Variants in SEMA3E observed in about 807,000 individuals in gnomAD.
The protein encoded by SEMA3E is semaphorin-3E.
SEMA3E carries 49 observed loss-of-function variants against 93.6 expected under a neutral mutation model. That is an observed-to-expected ratio of 0.52 (90% CI 0.42 to 0.66). SEMA3E has a LOEUF of 0.66. Among genes scored for constraint, SEMA3E ranks in the 30% least tolerant of loss-of-function variants. SEMA3E has a pLI of 0.00. For missense variants in SEMA3E, 906 were observed against 964.8 expected, an observed-to-expected ratio of 0.94 and a Z score of 0.81; for synonymous variants, 363 against 330.7, an observed-to-expected ratio of 1.10 and a Z score of -1.06.
chr7:83,396,826 G>T, intron 11 of SEMA3E, 97 bp from the exon 12 acceptor site: 1 of 787,554 alleles, frequency 1.3e-6, no homozygotes, highest in Non-Finnish European at 2.1e-6. Flanking sequence ...GCTCATGCCT[G>T]TAATCACTTT....
chr7:83,572,199 T>G (rs1792300902), intron 1 of SEMA3E, among the ~76,000 whole-genome samples: 1 of 137,100 alleles, frequency 7.3e-6, no homozygotes, highest in East Asian at 2.1e-4. Context: ...CCAACATAAT[T>G]TTTTTTTGCA....
chr7:83,416,723 T>C (rs894850327), intron 5 of SEMA3E, among the ~76,000 whole-genome samples: 47 of 151,948 alleles, frequency 3.1e-4, no homozygotes, highest in African/African-American at 1.1e-3. Context: ...ACAAGAAAGA[T>C]AAGAAAGTCT....
intron 4 of SEMA3E, among the ~76,000 whole-genome samples, chr7:83,444,140 G>T (rs1302550760): frequency 6.6e-6 from 1 of 152,134 alleles, no homozygotes; most frequent in African/African-American, 2.4e-5. Context: ...TAATAGAGGA[G>T]ATAATGTGTG....
At position 83,585,527 on chromosome 7, in the gene SEMA3E, G is replaced by A. The variant is rs527978877; in HGVS notation, c.115+62901C>T. ...GTATTAAAGAGATAAAATATTACAT[G>A]AAGAATTTATAGTCAGCCTCATTGT... On this transcript the variant is annotated intron_variant, in intron 1 of 16. Coordinates refer to ENST00000643230, the MANE Select transcript of SEMA3E (RefSeq NM_012431.3). Among the ~76,000 whole-genome samples the A allele has an allele frequency of 6.5e-4, 99 of 152,214 alleles. No individual in the cohort carries two copies. In the South Asian group the frequency reaches 7.9e-3, roughly 12 times the overall value.
At chr7:83,537,216 T>C (rs1791425765) in intron 1 of SEMA3E, among the ~76,000 whole-genome samples, 1 of 152,164 alleles carries the variant, frequency 6.6e-6, no homozygotes, top group African/African-American at 2.4e-5. Context: ...GAAATACATA[T>C]CTGTTGTTTG....
intron 4 of SEMA3E, among the ~76,000 whole-genome samples, chr7:83,442,172 A>G (rs1003579023): frequency 1.3e-5 from 2 of 152,182 alleles, no homozygotes; most frequent in African/African-American, 4.8e-5. Flanking sequence ...AGAATCTTTC[A>G]TATCTTATTC....
In SEMA3E at chr7:83,365,687, A is replaced by G. The variant is rs1244327766; in HGVS notation, c.*1899T>C. 1 of 152,160 alleles carries G rather than the reference A, an allele frequency of 6.6e-6. No homozygotes were observed. 9.4% of individuals were successfully genotyped at this position (152,160 alleles called of 1,614,324 possible). ...ATTGCAATTAAAATGATAACTATTT[A>G]TGTCTTATCTGCCTTTTTAATTTTA... On this transcript the variant is annotated 3_prime_UTR_variant, in exon 17 of 17. Transcript: ENST00000643230.
chr7:83,378,260 C>T (rs893277789), intron 16 of SEMA3E, among the ~76,000 whole-genome samples: 4 of 151,846 alleles, frequency 2.6e-5, no homozygotes, highest in African/African-American at 9.7e-5. Flanking sequence ...TTTATTTTCT[C>T]CTAATTCAGA....
intron 1 of SEMA3E, among the ~76,000 whole-genome samples, chr7:83,537,038 C>G (rs1431719925): frequency 6.6e-6 from 1 of 151,312 alleles, no homozygotes; most frequent in African/African-American, 2.4e-5. Context: ...TCTTCTCCCC[C>G]CTTCTCTCTC....
intron 9 of SEMA3E, among the ~76,000 whole-genome samples, chr7:83,403,529 AC>A (rs1788270809): frequency 6.6e-6 from 1 of 152,022 alleles, no homozygotes; most frequent in South Asian, 2.1e-4. Flanking sequence ...CTACAAAAGG[AC>A]ATTTTTAAAG....
intron 1 of SEMA3E, among the ~76,000 whole-genome samples, chr7:83,552,691 G>T (rs535138925): frequency 1.3e-5 from 2 of 152,052 alleles, no homozygotes; most frequent in Admixed American, 6.6e-5. Context: ...TGTCTTATGC[G>T]GTTGAGATAA....
chr7:83,416,144 T>A (rs1788534175), intron 5 of SEMA3E, among the ~76,000 whole-genome samples: 1 of 152,106 alleles, frequency 6.6e-6, no homozygotes. Flanking sequence ...AGTGAGTGAA[T>A]GATCTCTCCA....
At position 83,539,157 on chromosome 7, in the gene SEMA3E, A is replaced by T. The variant is rs532532633; in HGVS notation, c.116-48883T>A. Among the ~76,000 whole-genome samples, 9 of 152,326 alleles carry T rather than the reference A, an allele frequency of 5.9e-5. No homozygotes were observed. In the East Asian group the frequency reaches 1.7e-3, roughly 29 times the overall value. Reference sequence around the variant, plus strand: ...GCTGTGTGCATTTATCACAAATGATACATTTAATCCTTTTATGTTAGATAA... The same window carrying T: ...GCTGTGTGCATTTATCACAAATGATTCATTTAATCCTTTTATGTTAGATAA... On this transcript the variant is annotated intron_variant, in intron 1 of 16. Transcript: ENST00000643230.
At chr7:83,518,039 CTG>C (rs1249285325) in intron 1 of SEMA3E, among the ~76,000 whole-genome samples, 2 of 152,078 alleles carry the variant, frequency 1.3e-5, no homozygotes, top group African/African-American at 4.8e-5. Context: ...GTAAACATGT[CTG>C]TGTGTGGAGG....
Position 83,407,099 on chromosome 7 carries a change from C to T in SEMA3E, c.811G>A (p.Val271Met). ...CATAATGAGAGAGAAAGCCTCACCA[C>T]ACAGAGTCGCCCGACCCTGGTGTAA... ...AIYTRVGRLC[V>M]NDVGGQRILV... The change falls in exon 7 of 17, where the codon GTG becomes ATG. Residue 271 changes from valine to methionine, a missense_variant and splice_region_variant. Val to Met is a conservative substitution (Grantham distance 21). Transcript: ENST00000643230. The T allele has an allele frequency of 6.2e-7, 1 of 1,613,442 alleles. No individual in the cohort carries two copies. Among genetic ancestry groups the T allele is most frequent in the Non-Finnish European group, 8.5e-7 (1 of 1,179,740 alleles).
chr7:83,480,243 C>T (rs1790117798), intron 2 of SEMA3E, among the ~76,000 whole-genome samples: 2 of 152,100 alleles, frequency 1.3e-5, no homozygotes. Flanking sequence ...GAGTTCGAGA[C>T]CAGCCTGGCC....
At chr7:83,644,780 G>C (rs939838932) in intron 1 of SEMA3E, among the ~76,000 whole-genome samples, 2 of 151,882 alleles carry the variant, frequency 1.3e-5, no homozygotes, top group Non-Finnish European at 2.9e-5. Context: ...TCTATCACAA[G>C]TTCTATCTGC....
intron 1 of SEMA3E, among the ~76,000 whole-genome samples, chr7:83,545,822 T>TATAC (rs1791637971): frequency 6.8e-6 from 1 of 147,080 alleles, no homozygotes; most frequent in African/African-American, 2.5e-5. Context: ...GTATTATATA[T>TATAC]ATATATAATA....
chr7:83,507,005 G>A (rs1032505002), intron 1 of SEMA3E, among the ~76,000 whole-genome samples: 1 of 152,106 alleles, frequency 6.6e-6, no homozygotes, highest in African/African-American at 2.4e-5. Context: ...ATTTTAGACT[G>A]CCAATCATCT....
Sources: gnomAD v4.1 joint callset for allele counts (sites outside exome capture counted in the v4.1 genomes callset) on GRCh38, gnomAD v4.1.1 for gene constraint, MANE v1.5 for transcripts, NCBI Gene and HGNC (gene_info 2026-07-23, HGNC 2026-07-21) for gene names.